Variants in RXRG observed in about 807,000 individuals in gnomAD.
RXRG encodes retinoic acid receptor RXR-gamma.
In RXRG, 19 loss-of-function variants were observed where a neutral mutation model predicts 49.2. The observed-to-expected ratio is 0.39, with a 90% CI of 0.27 to 0.57. RXRG has a LOEUF of 0.57. RXRG is among the 20% of genes least tolerant of loss of function. The pLI is 0.64. For synonymous variants in RXRG, 224 were observed against 216.6 expected, an observed-to-expected ratio of 1.03 and a Z score of -0.30; for missense variants, 452 against 592.5, an observed-to-expected ratio of 0.76 and a Z score of 2.46.
intron 1 of RXRG, among the ~76,000 whole-genome samples, chr1:165,443,086 T>G (rs1002454972): frequency 3.9e-5 from 6 of 152,232 alleles, no homozygotes; most frequent in African/African-American, 1.4e-4. Flanking sequence ...CCTAAGATGC[T>G]GTTTCAGGTC....
At chr1:165,418,577 G>C (rs1312163918) in intron 3 of RXRG, among the ~76,000 whole-genome samples, 1 of 152,094 alleles carries the variant, frequency 6.6e-6, no homozygotes, top group Non-Finnish European at 1.5e-5. Context: ...GCCAGCCTTT[G>C]CCTCATTGGT....
chr1:165,403,401 A>C (rs1175690278), intron 9 of RXRG, among the ~76,000 whole-genome samples: 2 of 152,246 alleles, frequency 1.3e-5, no homozygotes, highest in African/African-American at 4.8e-5. Context: ...TGAAAAAGTT[A>C]CAAATTAGAA....
chr1:165,444,733 A>T (rs1470455254), intron 1 of RXRG, 112 bp downstream of exon 1: 1 of 961,034 alleles, frequency 1.0e-6, no homozygotes, highest in Non-Finnish European at 1.7e-6. Context: ...ATATGCATAT[A>T]AACATATATG....
At chr1:165,407,446 C>T (rs1399132082) in intron 8 of RXRG, among the ~76,000 whole-genome samples, 1 of 152,196 alleles carries the variant, frequency 6.6e-6, no homozygotes. Flanking sequence ...CAGGACACCA[C>T]CCTTCTGATT....
intron 1 of RXRG, chr1:165,437,137 C>T (rs1397360945): frequency 1.5e-6 from 2 of 1,367,650 alleles, no homozygotes; most frequent in African/African-American, 3.0e-5. Flanking sequence ...TCAGGGCTCA[C>T]AGTATCTGTT....
At chr1:165,437,178 G>T (rs563880646) in intron 1 of RXRG, 1 of 1,367,840 alleles carries the variant, frequency 7.3e-7, no homozygotes, top group Admixed American at 1.9e-5. Flanking sequence ...GAGAGCAGAA[G>T]TTGGAGAGCA....
At chr1:165,416,943 T>TCTAATCATCCTAA (rs1658144541) in intron 4 of RXRG, 98 bp downstream of exon 4, 5 of 1,178,722 alleles carry the variant, frequency 4.2e-6, no homozygotes. Flanking sequence ...TTAGGATGAC[T>TCTAATCATCCTAA]TTGGGCACCA....
chr1:165,443,744 T>C (rs773273166), intron 1 of RXRG, among the ~76,000 whole-genome samples: 7 of 152,194 alleles, frequency 4.6e-5, no homozygotes, highest in Non-Finnish European at 8.8e-5. Flanking sequence ...ACTTCTACCT[T>C]GCAGTGTGTC....
chr1:165,433,442 C>T (rs1328671103), intron 1 of RXRG, among the ~76,000 whole-genome samples: 1 of 152,218 alleles, frequency 6.6e-6, no homozygotes, highest in Non-Finnish European at 1.5e-5. Context: ...TCTTGATCTT[C>T]CAGGCACCTA....
rs553834228 is a variant in RXRG, at chr1:165,415,560, G to A, written c.622+1481C>T. 4.6e-5 allele frequency among the ~76,000 whole-genome samples: 7 copies of A among 152,214 alleles called. No individual in the cohort carries two copies. The South Asian group carries it at 1.3e-3, about 27-fold the overall frequency. On this transcript the variant is annotated intron_variant, in intron 4 of 9. Coordinates refer to ENST00000359842, the MANE Select transcript of RXRG (RefSeq NM_006917.5). Reference sequence around the variant, plus strand: ...ATATACAGTTAGCTTAGATTGGGGGGTTAGTGGTAAAAGTAGTGAGACATG... The same window carrying A: ...ATATACAGTTAGCTTAGATTGGGGGATTAGTGGTAAAAGTAGTGAGACATG...
At chr1:165,404,475 C>A (rs539640595) in intron 9 of RXRG, among the ~76,000 whole-genome samples, 1 of 152,098 alleles carries the variant, frequency 6.6e-6, no homozygotes, top group African/African-American at 2.4e-5. Flanking sequence ...AATCACAGGG[C>A]GATGACTAAA....
At chr1:165,420,446 A>G (rs1007678019) in intron 2 of RXRG, among the ~76,000 whole-genome samples, 2 of 152,208 alleles carry the variant, frequency 1.3e-5, no homozygotes, top group Non-Finnish European at 2.9e-5. Flanking sequence ...TAAGAGAGCC[A>G]AGCAAAAAAA....
chr1:165,410,053 TC>T (rs1202358185), intron 6 of RXRG, among the ~76,000 whole-genome samples: 1 of 152,192 alleles, frequency 6.6e-6, no homozygotes, highest in East Asian at 1.9e-4. Flanking sequence ...TTGCAGTTTT[TC>T]CCCTTAGGAT....
intron 2 of RXRG, among the ~76,000 whole-genome samples, chr1:165,426,800 T>C (rs1257130922): frequency 6.6e-6 from 1 of 152,160 alleles, no homozygotes; most frequent in Non-Finnish European, 1.5e-5. Context: ...TTTTGGAGGC[T>C]GATAAGTCCC....
chr1:165,409,492 TACACACACACAC>T (rs55949511), intron 7 of RXRG, 54 bp downstream of exon 7: 11 of 1,222,486 alleles, frequency 9.0e-6, no homozygotes, highest in Admixed American at 8.0e-5. Context: ...CACATGTGTA[TACACACACACAC>T]ACACACACAC....
At chr1:165,423,105 G>A (rs1195613056) in intron 2 of RXRG, among the ~76,000 whole-genome samples, 1 of 152,214 alleles carries the variant, frequency 6.6e-6, no homozygotes, top group African/African-American at 2.4e-5. Context: ...AGTGAGACAG[G>A]TTGGTTGATG....
In RXRG at chr1:165,433,745, G is replaced by A. The variant is rs145691321; in HGVS notation, c.50-4779C>T. On this transcript the variant is annotated intron_variant, in intron 1 of 9. Transcript: ENST00000359842. ...TTGGCATTGAAAAGAAAGAAGTGCA[G>A]GTGTTGGTGGTCTGGAATGGTCTGA... Among the ~76,000 whole-genome samples, 223 of 152,328 alleles carry A rather than the reference G, an allele frequency of 1.5e-3. 1 individual carries two copies. The highest frequency in any genetic ancestry group is 3.3e-3 in the African/African-American group (137 of 41,576).
At chr1:165,414,691 G>A (rs1426969614) in intron 4 of RXRG, among the ~76,000 whole-genome samples, 2 of 152,162 alleles carry the variant, frequency 1.3e-5, no homozygotes, top group African/African-American at 2.4e-5. Context: ...GATAATCATG[G>A]TGGGGGAAGC....
At chr1:165,409,087 C>T (rs538640838) in intron 7 of RXRG, among the ~76,000 whole-genome samples, 140 of 152,304 alleles carry the variant, frequency 9.2e-4, no homozygotes, top group Non-Finnish European at 1.6e-3. Flanking sequence ...CTGCAGGCCT[C>T]CTTCTGAGAT....
Sources: allele counts gnomAD v4.1 joint callset (sites outside exome capture counted in the v4.1 genomes callset), GRCh38; gene constraint gnomAD v4.1.1; transcripts MANE v1.5; gene names NCBI Gene and HGNC (gene_info 2026-07-23, HGNC 2026-07-21).